The following FGGY variants were observed in gnomAD, a reference collection of about 807,000 sequenced individuals.
FGGY encodes FGGY carbohydrate kinase domain-containing protein.
In FGGY, 72 loss-of-function variants were observed where a neutral mutation model predicts 71.3. The ratio of observed to expected loss-of-function variants is 1.01; its 90% CI spans 0.84 to 1.23. FGGY has a LOEUF of 1.23. FGGY is among the 50% of genes most tolerant of loss of function. FGGY has a pLI of 0.00. For synonymous variants in FGGY, 251 were observed against 250.3 expected (o/e 1.00, Z -0.02); for missense variants, 668 against 682.3 (o/e 0.98, Z 0.23).
At chr1:59,583,301 T>C (rs1399188317) in intron 8 of FGGY, among the ~76,000 whole-genome samples, 1 of 143,340 alleles carries the variant, frequency 7.0e-6, no homozygotes, top group African/African-American at 2.7e-5. Flanking sequence ...GCTATAAGGG[T>C]GATTCTGACT....
intron 6 of FGGY, among the ~76,000 whole-genome samples, chr1:59,465,762 C>T (rs2092583325): frequency 6.6e-6 from 1 of 152,074 alleles, no homozygotes; most frequent in Admixed American, 6.6e-5. Flanking sequence ...ACAATTGCTA[C>T]AAAGAGAATA....
At chr1:59,578,875 T>G (rs958911912) in intron 8 of FGGY, among the ~76,000 whole-genome samples, 4 of 152,054 alleles carry the variant, frequency 2.6e-5, no homozygotes, top group African/African-American at 9.7e-5. Context: ...CTTGCTTTAA[T>G]AGCTCCCATC....
At chr1:59,423,460 A>G (rs977177242) in intron 5 of FGGY, among the ~76,000 whole-genome samples, 2 of 152,196 alleles carry the variant, frequency 1.3e-5, no homozygotes, top group Non-Finnish European at 1.5e-5. Flanking sequence ...TCCCAGCAAT[A>G]GATTCCAGCC....
chr1:59,654,746 C>G (rs1193612214), intron 11 of FGGY, among the ~76,000 whole-genome samples: 1 of 152,080 alleles, frequency 6.6e-6, no homozygotes, highest in African/African-American at 2.4e-5. Context: ...TGGACCCACA[C>G]CAAAGGTTCA....
intron 5 of FGGY, chr1:59,393,276 G>A (rs1378284225): frequency 6.6e-6 from 1 of 152,258 alleles, no homozygotes; most frequent in East Asian, 1.9e-4. Context: ...TTGCTCTGCT[G>A]TCTCCATGGA....
intron 2 of FGGY, among the ~76,000 whole-genome samples, chr1:59,329,882 C>G (rs906749135): frequency 2.6e-5 from 4 of 152,302 alleles, no homozygotes; most frequent in Non-Finnish European, 5.9e-5. Context: ...CACATGGTGG[C>G]TATTATACTG....
chr1:59,664,687 A>G (rs2153966849), intron 12 of FGGY, among the ~76,000 whole-genome samples: 1 of 152,212 alleles, frequency 6.6e-6, no homozygotes, highest in East Asian at 1.9e-4. Flanking sequence ...AAGATTAGAG[A>G]TGCTATTAAA....
At chr1:59,345,508 CT>C (rs1200153904) in intron 3 of FGGY, among the ~76,000 whole-genome samples, 1 of 152,130 alleles carries the variant, frequency 6.6e-6, no homozygotes, top group Non-Finnish European at 1.5e-5. Context: ...TTAAATTCTC[CT>C]CCTTATGATT....
At chr1:59,417,995 T>C (rs531506483) in intron 5 of FGGY, among the ~76,000 whole-genome samples, 5 of 152,314 alleles carry the variant, frequency 3.3e-5, no homozygotes, top group African/African-American at 1.2e-4. Context: ...CAGCACTGGC[T>C]TAGAACCACC....
At chr1:59,566,341 G>A (rs77275312) in intron 8 of FGGY, among the ~76,000 whole-genome samples, 5,396 of 152,126 alleles carry the variant, frequency 0.035, 144 homozygotes, top group African/African-American at 0.073. Flanking sequence ...TTTTCTCTTA[G>A]TTTTTCATCC....
intron 14 of FGGY, among the ~76,000 whole-genome samples, chr1:59,728,333 C>T (rs537108957): frequency 6.6e-6 from 1 of 152,144 alleles, no homozygotes; most frequent in South Asian, 2.1e-4. Flanking sequence ...TTCCTCCTTC[C>T]TATCCATTAT....
At chr1:59,456,309 T>C (rs2091684924) in intron 5 of FGGY, among the ~76,000 whole-genome samples, 1 of 152,224 alleles carries the variant, frequency 6.6e-6, no homozygotes, top group Non-Finnish European at 1.5e-5. Context: ...CAATATCATA[T>C]CTAAAATTTC....
intron 9 of FGGY, among the ~76,000 whole-genome samples, chr1:59,617,822 C>T (rs1295698136): frequency 6.6e-6 from 1 of 151,994 alleles, no homozygotes; most frequent in Non-Finnish European, 1.5e-5. Context: ...AACAATTGTG[C>T]TTGGATTGAG....
At chr1:59,508,347 T>G (rs1273650496) in intron 6 of FGGY, among the ~76,000 whole-genome samples, 2 of 152,318 alleles carry the variant, frequency 1.3e-5, no homozygotes, top group East Asian at 3.9e-4. Flanking sequence ...CAATCATTAG[T>G]TCTATTGTTT....
At chr1:59,348,114 A>C (rs2052480442) in intron 4 of FGGY, among the ~76,000 whole-genome samples, 1 of 152,194 alleles carries the variant, frequency 6.6e-6, no homozygotes, top group Non-Finnish European at 1.5e-5. Context: ...TTACAAGAAA[A>C]AAACAACCCC....
At chr1:59,524,423 G>A (rs966198730) in intron 7 of FGGY, among the ~76,000 whole-genome samples, 3 of 152,184 alleles carry the variant, frequency 2.0e-5, no homozygotes, top group Admixed American at 1.3e-4. Flanking sequence ...GGGACAGTCC[G>A]AAGCCTGGTG....
chr1:59,490,142 C>T (rs547020224), intron 6 of FGGY, among the ~76,000 whole-genome samples: 1 of 152,202 alleles, frequency 6.6e-6, no homozygotes, highest in African/African-American at 2.4e-5. Flanking sequence ...CCTTGAACTC[C>T]TGGGCTCAAG....
intron 4 of FGGY, among the ~76,000 whole-genome samples, chr1:59,352,166 T>C (rs1158853494): frequency 6.6e-6 from 1 of 152,202 alleles, no homozygotes; most frequent in Non-Finnish European, 1.5e-5. Context: ...TAAATTAAGT[T>C]CTGTCAGGCT....
intron 5 of FGGY, among the ~76,000 whole-genome samples, chr1:59,454,330 A>C (rs778852045): frequency 2.9e-4 from 44 of 152,158 alleles, no homozygotes; most frequent in Non-Finnish European, 6.3e-4. Context: ...CAAAAGTTGG[A>C]ATTTCAGATG....
Sources: gnomAD v4.1 joint callset for allele counts (sites outside exome capture counted in the v4.1 genomes callset) on GRCh38, gnomAD v4.1.1 for gene constraint, MANE v1.5 for transcripts, NCBI Gene and HGNC (gene_info 2026-07-23, HGNC 2026-07-21) for gene names.